NINL: variants seen among roughly 807,000 people sequenced by gnomAD.
The protein encoded by NINL is ninein like.
Under a neutral mutation model 160.3 loss-of-function variants are expected in NINL, and 153 were observed. The observed-to-expected ratio is 0.95, with a 90% confidence interval of 0.84 to 1.09. The LOEUF is 1.09. Ranked by LOEUF, NINL falls within the 50% of genes least tolerant of loss-of-function variation. The probability of loss-of-function intolerance (pLI) is 0.00; values close to 1 mark genes in which losing one functional copy is unlikely to be tolerated. For missense variants in NINL, 1,829 were observed against 1,764.0 expected (o/e 1.04, Z -0.66); for synonymous variants, 800 against 734.8 (o/e 1.09, Z -1.43).
At chr20:25,545,823 A>C (rs1378215705) in intron 1 of NINL, among the ~76,000 whole-genome samples, 1 of 152,112 alleles carries the variant, frequency 6.6e-6, no homozygotes, top group Non-Finnish European at 1.5e-5. Flanking sequence ...TCTGAAGAGA[A>C]TCTCCTTCCT....
rs2064940288 is a variant in NINL at position 25,561,685 on chromosome 20, GC to G, written c.-12+23769del. ...ATGTGGGGAGCGCCTCTGCCCCGCC[GC>G]CCCGTCTGGGATGTGAGGAGCGCCT... On this transcript the variant is annotated intron_variant, in intron 1 of 23. Transcript: ENST00000278886. Among the ~76,000 whole-genome samples, 3 of 141,066 alleles carry G rather than the reference GC, an allele frequency of 2.1e-5. No individual in the cohort carries two copies. In the South Asian group the frequency reaches 6.9e-4, roughly 32 times the overall value. The allele number at this position is 141,066 out of a possible 152,430, so 92.5% of individuals were successfully genotyped here.
intron 18 of NINL, among the ~76,000 whole-genome samples, 192 bp downstream of exon 18, chr20:25,469,799 C>G (rs746172002): frequency 2.2e-4 from 33 of 152,184 alleles, no homozygotes; most frequent in Non-Finnish European, 4.0e-4. Flanking sequence ...GCCGCCCACA[C>G]GAGGAAGGAG....
rs760131174 is a variant in NINL at position 25,553,103 on chromosome 20, G to GTTT, written c.-11-26506_-11-26505insAAA. On this transcript the variant is annotated intron_variant, in intron 1 of 23. Coordinates refer to ENST00000278886, the MANE Select transcript of NINL (RefSeq NM_025176.6). ...TGGAAGTTACTTCTCACCCTTGTTG[G>GTTT]GTTTTTTTTTTTTTTTTTGGAGATG... is the stretch of plus-strand genomic sequence containing the variant. 2.4e-4 allele frequency among the ~76,000 whole-genome samples: 14 copies of GTTT among 58,040 alleles called. 2 individuals carry two copies. The highest frequency in any genetic ancestry group is 5.2e-4 in the Admixed American group (2 of 3,828). The allele number at this position is 58,040 out of a possible 152,430, so 38.1% of individuals were successfully genotyped here.
chr20:25,556,713 G>A (rs969166613), intron 1 of NINL, among the ~76,000 whole-genome samples: 2 of 152,130 alleles, frequency 1.3e-5, no homozygotes, highest in Non-Finnish European at 2.9e-5. Context: ...AGGCTGAGGT[G>A]GGAGGATCAC....
chr20:25,501,020 AG>A lies in NINL; in HGVS notation c.862-11del. 6.2e-7 allele frequency: 1 copy of A among 1,613,246 alleles called. No individual in the cohort carries two copies. The highest frequency in any genetic ancestry group is 8.5e-7 in the Non-Finnish European group (1 of 1,179,612). On this transcript the variant is annotated splice_polypyrimidine_tract_variant and intron_variant, in intron 7 of 23. Transcript: ENST00000278886. ...CGCTCTCCTCTGGGACCTGCATGTC[AG>A]GAAGACTTCCATAGCGCCCAGCGTC...
At chr20:25,542,414 CAG>C (rs2064677788) in intron 1 of NINL, among the ~76,000 whole-genome samples, 1 of 151,882 alleles carries the variant, frequency 6.6e-6, no homozygotes, top group African/African-American at 2.4e-5. Context: ...TCATACACAT[CAG>C]AGGAGACCAA....
chr20:25,574,053 C>T (rs748362767), intron 1 of NINL, among the ~76,000 whole-genome samples: 1 of 152,124 alleles, frequency 6.6e-6, no homozygotes, highest in Non-Finnish European at 1.5e-5. Flanking sequence ...AGAAACCAGC[C>T]ACACCCCTGC....
chr20:25,563,384 C>G (rs1313078326), intron 1 of NINL, among the ~76,000 whole-genome samples: 1 of 152,096 alleles, frequency 6.6e-6, no homozygotes, highest in Non-Finnish European at 1.5e-5. Flanking sequence ...TACCATAATC[C>G]CTGCAGTAAC....
chr20:25,478,728 T>C (rs1239571683), intron 16 of NINL, 195 bp downstream of exon 16: 1 of 563,744 alleles, frequency 1.8e-6, no homozygotes, highest in East Asian at 2.8e-5. Flanking sequence ...TGGCCCATGA[T>C]CCAATGTATA....
intron 8 of NINL, among the ~76,000 whole-genome samples, chr20:25,498,638 T>C (rs1311221470): frequency 1.3e-5 from 2 of 152,242 alleles, no homozygotes; most frequent in East Asian, 3.9e-4. Context: ...CAGGGGCAAG[T>C]CCCCTGCAGG....
chr20:25,497,063 G>A (rs990108289), intron 9 of NINL, among the ~76,000 whole-genome samples: 3 of 152,252 alleles, frequency 2.0e-5, no homozygotes, highest in Non-Finnish European at 4.4e-5. Context: ...GGAAGACTGA[G>A]CCTGGAGTCC....
At chr20:25,484,013 C>T (rs1256047303) in intron 13 of NINL, among the ~76,000 whole-genome samples, 2 of 152,142 alleles carry the variant, frequency 1.3e-5, no homozygotes, top group Non-Finnish European at 2.9e-5. Flanking sequence ...TGCTCTGGGG[C>T]AGCTGCCGCC....
chr20:25,525,733 G>A (rs2064346499), intron 2 of NINL, among the ~76,000 whole-genome samples: 1 of 152,130 alleles, frequency 6.6e-6, no homozygotes, highest in Non-Finnish European at 1.5e-5. Context: ...ACAAGATAAG[G>A]CACTGCTGTT....
chr20:25,477,385 GC>G (rs2146529421), intron 16 of NINL, among the ~76,000 whole-genome samples: 1 of 152,336 alleles, frequency 6.6e-6, no homozygotes, highest in South Asian at 2.1e-4. Flanking sequence ...CCTGGTTGCA[GC>G]CCCTCGGCCG....
intron 8 of NINL, chr20:25,499,108 G>A (rs2063816918): frequency 2.0e-6 from 2 of 985,436 alleles, no homozygotes; most frequent in East Asian, 1.1e-4. Context: ...GTGCCAGGAC[G>A]TGCCTGGCCC....
chr20:25,472,687 T>C (rs922386034), intron 17 of NINL, among the ~76,000 whole-genome samples: 1 of 151,926 alleles, frequency 6.6e-6, no homozygotes, highest in African/African-American at 2.4e-5. Flanking sequence ...TGCCACCATG[T>C]GTGACTAATT....
intron 1 of NINL, among the ~76,000 whole-genome samples, chr20:25,529,629 C>T (rs970730839): frequency 2.0e-5 from 3 of 151,986 alleles, no homozygotes; most frequent in Non-Finnish European, 4.4e-5. Context: ...AACAATAAAT[C>T]GGAAAGCAAA....
At chr20:25,510,550 A>T in intron 5 of NINL, 124 bp downstream of exon 5, 1 of 862,124 alleles carries the variant, frequency 1.2e-6, no homozygotes, top group Middle Eastern at 3.3e-4. Flanking sequence ...GCGGGACACA[A>T]CCCACCCCAT....
intron 10 of NINL, among the ~76,000 whole-genome samples, chr20:25,493,619 C>T (rs1211163449): frequency 1.3e-5 from 2 of 152,164 alleles, no homozygotes; most frequent in Non-Finnish European, 2.9e-5. Context: ...GCAACAAAGT[C>T]AAGGTCACCT....
Sources: allele counts gnomAD v4.1 joint callset (sites outside exome capture counted in the v4.1 genomes callset), GRCh38; gene constraint gnomAD v4.1.1; transcripts MANE v1.5; gene names NCBI Gene and HGNC (gene_info 2026-07-23, HGNC 2026-07-21).